UGGT2: variants seen among roughly 807,000 people sequenced by gnomAD.
The protein encoded by UGGT2 is UDP-glucose:glycoprotein glucosyltransferase 2.
UGGT2 carries 180 observed loss-of-function variants against 192.1 expected under a neutral mutation model. The observed-to-expected ratio is 0.94, with a 90% CI of 0.83 to 1.06. UGGT2 has a LOEUF of 1.06. UGGT2 is among the 50% of genes least tolerant of loss of function. The probability of loss-of-function intolerance (pLI) is 0.00; values close to 1 mark genes in which losing one functional copy is unlikely to be tolerated. For synonymous variants in UGGT2, 580 were observed against 591.0 expected, an observed-to-expected ratio of 0.98 and a Z score of 0.27; for missense variants, 1,849 against 1,795.7, an observed-to-expected ratio of 1.03 and a Z score of -0.54.
intron 6 of UGGT2, among the ~76,000 whole-genome samples, chr13:95,998,434 T>A (rs1594540238): frequency 6.6e-6 from 1 of 152,168 alleles, no homozygotes; most frequent in African/African-American, 2.4e-5. Flanking sequence ...ACGATCTTTA[T>A]CTGAAGCACA....
At chr13:95,956,589 T>C (rs538149123) in intron 12 of UGGT2, among the ~76,000 whole-genome samples, 1 of 152,218 alleles carries the variant, frequency 6.6e-6, no homozygotes, top group Non-Finnish European at 1.5e-5. Context: ...ATTAAGGAAA[T>C]GTAATGAGAA....
chr13:95,909,783 A>ATG (rs1402621141), intron 20 of UGGT2, among the ~76,000 whole-genome samples: 1 of 137,204 alleles, frequency 7.3e-6, no homozygotes, highest in Admixed American at 7.5e-5. Context: ...TAATAATAAA[A>ATG]AAGATTCCTG....
At chr13:95,971,712 T>G (rs1233460635) in intron 11 of UGGT2, among the ~76,000 whole-genome samples, 1 of 152,186 alleles carries the variant, frequency 6.6e-6, no homozygotes, top group Non-Finnish European at 1.5e-5. Context: ...TCTTTCTATG[T>G]GTATTATATG....
intron 17 of UGGT2, among the ~76,000 whole-genome samples, chr13:95,931,036 C>G (rs1208577166): frequency 6.6e-6 from 1 of 152,192 alleles, no homozygotes; most frequent in African/African-American, 2.4e-5. Flanking sequence ...TGCTTTTATT[C>G]CCTTATCTGG....
At chr13:95,918,607 A>G (rs1034611031) in intron 20 of UGGT2, among the ~76,000 whole-genome samples, 4 of 152,156 alleles carry the variant, frequency 2.6e-5, no homozygotes, top group African/African-American at 9.6e-5. Context: ...TTAGAAAAAA[A>G]GTAGTAAAAT....
chr13:95,839,652 C>G (rs1208048503), intron 36 of UGGT2, among the ~76,000 whole-genome samples: 6 of 152,122 alleles, frequency 3.9e-5, no homozygotes, highest in Non-Finnish European at 7.4e-5. Flanking sequence ...GGGTATATAT[C>G]TAGGAGTGGA....
chr13:95,902,608 T>A (rs1004133366), intron 21 of UGGT2, among the ~76,000 whole-genome samples: 1 of 152,010 alleles, frequency 6.6e-6, no homozygotes, highest in African/African-American at 2.4e-5. Context: ...GTACATATCC[T>A]AACTAGAATG....
chr13:96,009,071 G>A (rs889575490), intron 5 of UGGT2, among the ~76,000 whole-genome samples: 1 of 152,122 alleles, frequency 6.6e-6, no homozygotes, highest in African/African-American at 2.4e-5. Flanking sequence ...TGACAAAGCT[G>A]ACAAAAGCAA....
intron 38 of UGGT2, among the ~76,000 whole-genome samples, chr13:95,804,675 A>G (rs1339299815): frequency 6.6e-6 from 1 of 152,220 alleles, no homozygotes; most frequent in African/African-American, 2.4e-5. Context: ...AAGGATGCCA[A>G]GAATACTCAG....
At chr13:95,919,525 G>T (rs1477600901) in intron 20 of UGGT2, among the ~76,000 whole-genome samples, 1 of 152,118 alleles carries the variant, frequency 6.6e-6, no homozygotes, top group Admixed American at 6.5e-5. Context: ...AAAGTCTCAG[G>T]ATACAAAATC....
chr13:95,839,664 C>A (rs1887656290), intron 36 of UGGT2, among the ~76,000 whole-genome samples: 1 of 152,246 alleles, frequency 6.6e-6, no homozygotes, highest in Admixed American at 6.5e-5. Flanking sequence ...AGGAGTGGAA[C>A]TGCTGGGTCA....
chr13:95,915,031 A>T (rs926733828), intron 20 of UGGT2, among the ~76,000 whole-genome samples: 2 of 152,190 alleles, frequency 1.3e-5, no homozygotes, highest in Non-Finnish European at 2.9e-5. Context: ...GCCTGATATT[A>T]TCTGGCACCT....
intron 20 of UGGT2, among the ~76,000 whole-genome samples, chr13:95,916,729 AAC>A (rs1227455865): frequency 6.6e-6 from 1 of 152,196 alleles, no homozygotes; most frequent in African/African-American, 2.4e-5. Context: ...GGAGCTGAAA[AAC>A]ACAACATAAG....
At chr13:96,033,993 A>G (rs532411350) in intron 1 of UGGT2, among the ~76,000 whole-genome samples, 6 of 152,246 alleles carry the variant, frequency 3.9e-5, no homozygotes, top group African/African-American at 1.2e-4. Context: ...GGGCTGGGCT[A>G]CCTCTTCCAT....
chr13:96,035,744 G>A (rs1369990320), intron 1 of UGGT2, among the ~76,000 whole-genome samples: 1 of 152,092 alleles, frequency 6.6e-6, no homozygotes, highest in Non-Finnish European at 1.5e-5. Context: ...TAAAAAGTGG[G>A]CAAAGGACAT....
At chr13:96,028,288 TG>T (rs2052726905) in intron 2 of UGGT2, among the ~76,000 whole-genome samples, 1 of 152,240 alleles carries the variant, frequency 6.6e-6, no homozygotes, top group Non-Finnish European at 1.5e-5. Context: ...ATCTGGTTCT[TG>T]GGTAAAAGTA....
chr13:95,961,594 A>T lies in UGGT2; in HGVS notation c.1335+8518T>A, dbSNP rs185266052. 1.5e-4 allele frequency among the ~76,000 whole-genome samples: 23 copies of T among 152,282 alleles called. No homozygotes were observed. In the East Asian group the frequency reaches 4.4e-3, roughly 29 times the overall value. On this transcript the variant is annotated intron_variant, in intron 12 of 38. Coordinates refer to ENST00000376747, the MANE Select transcript of UGGT2 (RefSeq NM_020121.4). Reference sequence around the variant, plus strand: ...CACCCAAACACTGGAGTACCTACACATATAAAGCAAACATTATTACAGCTA... The same window carrying T: ...CACCCAAACACTGGAGTACCTACACTTATAAAGCAAACATTATTACAGCTA...
chr13:95,818,994 T>C lies in UGGT2; in HGVS notation c.4528+13933A>G, dbSNP rs774129787. Among the ~76,000 whole-genome samples the C allele has an allele frequency of 1.3e-4, 20 of 152,286 alleles. 1 individual carries two copies. The highest frequency in any genetic ancestry group is 2.5e-4 in the Non-Finnish European group (17 of 68,024). On this transcript the variant is annotated intron_variant, in intron 38 of 38. Transcript: ENST00000376747. ...TATTACCTTCCCTAGGATCCTCCTG[T>C]GCTCCAAGTCTAGGAAACTCTTTCA...
At chr13:95,830,299 G>A (rs1164553083) in intron 38 of UGGT2, among the ~76,000 whole-genome samples, 2 of 152,258 alleles carry the variant, frequency 1.3e-5, no homozygotes, top group East Asian at 3.9e-4. Flanking sequence ...CTAAACTAAA[G>A]CGCTTCTGCA....
Sources: gnomAD v4.1 joint callset for allele counts (sites outside exome capture counted in the v4.1 genomes callset) on GRCh38, gnomAD v4.1.1 for gene constraint, MANE v1.5 for transcripts, NCBI Gene and HGNC (gene_info 2026-07-23, HGNC 2026-07-21) for gene names.